The following ZNF623 variants were observed in gnomAD, a reference collection of about 807,000 sequenced individuals.
ZNF623 encodes zinc finger protein 623.
Under a neutral mutation model 24.0 loss-of-function variants are expected in ZNF623, and 16 were observed. The observed-to-expected ratio is 0.67, with a 90% CI of 0.45 to 1.01. The LOEUF (loss-of-function observed/expected upper bound fraction) is 1.01. ZNF623 is among the 50% of genes least tolerant of loss of function. ZNF623 has a pLI of 0.00. For synonymous variants in ZNF623, 224 were observed against 219.8 expected (o/e 1.02, Z -0.17); for missense variants, 566 against 606.5 (o/e 0.93, Z 0.70).
chr8:143,641,859 C>T (rs1563697615), intron 1 of ZNF623, among the ~76,000 whole-genome samples: 1 of 152,242 alleles, frequency 6.6e-6, no homozygotes, highest in Non-Finnish European at 1.5e-5. Flanking sequence ...AACAGATGCA[C>T]TGTCATCCAG....
rs748769996 is a variant in ZNF623, at chr8:143,651,258, T to C, written c.1266T>C (p.Ser422=). ...IHTGEKPYVC[S]YCGKGFIQRS... ...CTGGAGAAAAGCCCTATGTGTGCAG[T>C]TATTGTGGGAAAGGCTTTATTCAGA... is the stretch of plus-strand genomic sequence containing the variant. Residue 422 remains serine (S), a synonymous_variant, in exon 2 of 2, where the codon AGT becomes AGC. Coordinates refer to ENST00000526926, the MANE Select transcript of ZNF623 (RefSeq NM_001261843.2). 1 of 1,613,990 alleles carries C rather than the reference T, an allele frequency of 6.2e-7. No individual in the cohort carries two copies. Among genetic ancestry groups the C allele is most frequent in the African/African-American group, 1.3e-5 (1 of 74,896 alleles).
intron 1 of ZNF623, among the ~76,000 whole-genome samples, chr8:143,646,822 C>G (rs975127162): frequency 5.3e-5 from 8 of 151,964 alleles, no homozygotes; most frequent in African/African-American, 1.9e-4. Flanking sequence ...GCTACCTTGC[C>G]TGGCTGTTTT....
rs764537153 is a variant in ZNF623, at chr8:143,650,199, CCTT to C, written c.213_215del (p.Leu73del). 27 of 1,614,096 alleles carry C rather than the reference CCTT, an allele frequency of 1.7e-5. No individual in the cohort carries two copies. The highest frequency in any genetic ancestry group is 4.5e-5 in the East Asian group (2 of 44,894). On this transcript the variant is annotated inframe_deletion, in exon 2 of 2. Coordinates refer to ENST00000526926, the MANE Select transcript of ZNF623 (RefSeq NM_001261843.2). The surrounding 1 kb of genome is among the most constrained non-coding windows in gnomAD (Gnocchi z 5.2). ...GAAGAAACCATATTCTGAACTCAGA[CCTT>C]CTTCTGCTTCAGAGAGAGCTCATAG...
Position 143,650,609 on chromosome 8 carries a change from A to G in ZNF623, c.617A>G (p.Gln206Arg). 1.2e-6 allele frequency: 2 copies of G among 1,613,500 alleles called. No homozygotes were observed. Among genetic ancestry groups the G allele is most frequent in the Non-Finnish European group, 1.7e-6 (2 of 1,179,864 alleles). Residue 206 changes from glutamine (Q) to arginine (R), a missense_variant, in exon 2 of 2, where the codon CAG becomes CGG. Gln to Arg is a conservative substitution (Grantham distance 43). Around this residue, in one of 3 missense-constraint regions of ZNF623, gnomAD observed 313 missense variants for 300.4 expected, o/e 1.04. Coordinates refer to ENST00000526926, the MANE Select transcript of ZNF623 (RefSeq NM_001261843.2). The surrounding 1 kb of genome is among the most constrained non-coding windows in gnomAD (Gnocchi z 5.2). ...ECKECGKGFS[Q>R]SSLLIRHQRI... ...AAAGAGTGTGGGAAAGGCTTCAGTC[A>G]GAGCTCCTTACTTATTCGCCATCAG...
At chr8:143,640,606 A>G (rs1473496930) in intron 1 of ZNF623, among the ~76,000 whole-genome samples, 1 of 152,182 alleles carries the variant, frequency 6.6e-6, no homozygotes, top group African/African-American at 2.4e-5. Context: ...CCAGGAGCAG[A>G]TTCCATGTCA....
chr8:143,647,147 GTTTTTTTTTT>G (rs200303336), intron 1 of ZNF623, among the ~76,000 whole-genome samples: 2 of 133,868 alleles, frequency 1.5e-5, no homozygotes, highest in African/African-American at 3.4e-5. Flanking sequence ...GTGCCTTGCT[GTTTTTTTTTT>G]TTTTGTTTTG....
rs752561462 is a variant in ZNF623 at position 143,653,130 on chromosome 8, G to A, written c.*1647G>A. On this transcript the variant is annotated 3_prime_UTR_variant, in exon 2 of 2. Coordinates refer to ENST00000526926, the MANE Select transcript of ZNF623 (RefSeq NM_001261843.2). The stretch of plus-strand genomic sequence containing the variant: ...TCTGCAGAAACATGGAGCCATGACA[G>A]ATGGCTTTTTGGCTAGGACTGTTCG... 15 of 167,174 alleles carry A rather than the reference G, an allele frequency of 9.0e-5. No individual in the cohort carries two copies. The highest frequency in any genetic ancestry group is 2.6e-4 in the Admixed American group (4 of 15,296). 10.4% of individuals were successfully genotyped at this position (167,174 alleles called of 1,614,324 possible). A position where few individuals can be genotyped will look rare whatever the true frequency, so the allele number is the denominator to read the frequency against.
Position 143,652,078 on chromosome 8 carries a change from C to T in ZNF623, c.*595C>T, listed in dbSNP as rs908632573. Reference sequence around the variant, plus strand: ...CTGTGCTCCACGTGGCTTCCTACCTCTCTCGCCTTTGTTCTTGTTGAAGGG... The same window carrying T: ...CTGTGCTCCACGTGGCTTCCTACCTTTCTCGCCTTTGTTCTTGTTGAAGGG... On this transcript the variant is annotated 3_prime_UTR_variant, in exon 2 of 2. Coordinates refer to ENST00000526926, the MANE Select transcript of ZNF623 (RefSeq NM_001261843.2). The T allele has an allele frequency of 1.7e-4, 29 of 167,338 alleles. No individual in the cohort carries two copies. Among genetic ancestry groups the T allele is most frequent in the Non-Finnish European group, 4.1e-4 (28 of 68,294 alleles). The allele number at this position is 167,338 out of a possible 1,614,324, so 10.4% of individuals were successfully genotyped here.
intron 1 of ZNF623, among the ~76,000 whole-genome samples, chr8:143,638,436 A>G (rs1814973708): frequency 6.6e-6 from 1 of 152,022 alleles, no homozygotes; most frequent in Admixed American, 6.6e-5. Flanking sequence ...GTAAACAGAA[A>G]CACCCTGTTT....
At chr8:143,646,546 C>CGTGT (rs60526625) in intron 1 of ZNF623, among the ~76,000 whole-genome samples, 17,982 of 149,308 alleles carry the variant, frequency 0.12, 1,238 homozygotes, top group East Asian at 0.25. Flanking sequence ...GGGGTGTGTG[C>CGTGT]GTGTGTGTGT....
Position 143,651,172 on chromosome 8 carries a change from A to G in ZNF623, c.1180A>G (p.Lys394Glu), listed in dbSNP as rs762195477. ...CTCTGGGGACAGGCCCTTCGAATGTAAAGACTGTGGGAAAGCCTTCATCCA... is the reference window on the plus strand; with the variant it reads ...CTCTGGGGACAGGCCCTTCGAATGTGAAGACTGTGGGAAAGCCTTCATCCA... ...IHSGDRPFEC[K>E]DCGKAFIQSS... Residue 394 changes from lysine to glutamate, a missense_variant, in exon 2 of 2, where the codon AAA (lysine) becomes GAA (glutamate). Transcript: ENST00000526926. 6.2e-7 allele frequency: 1 copy of G among 1,614,202 alleles called. No individual in the cohort carries two copies.
At position 143,652,557 on chromosome 8, in the gene ZNF623, A is replaced by G. The variant is rs142765331; in HGVS notation, c.*1074A>G. ...CTGCTCCTACTTAGAAGTTGCAGGC[A>G]ATATCCTGTGCACATCCACGCCCTC... On this transcript the variant is annotated 3_prime_UTR_variant, in exon 2 of 2. Transcript: ENST00000526926. The G allele has an allele frequency of 0.011, 1,801 of 167,240 alleles. 12 individuals are homozygous for G. The highest frequency in any genetic ancestry group is 0.019 in the Non-Finnish European group (1,314 of 68,126). The allele number at this position is 167,240 out of a possible 1,614,324, so 10.4% of individuals were successfully genotyped here.
At chr8:143,649,858 T>A (rs1298251548) in intron 1 of ZNF623, 40 bp from the exon 2 acceptor site, 1 of 1,585,404 alleles carries the variant, frequency 6.3e-7, no homozygotes, top group South Asian at 1.1e-5. Flanking sequence ...CCCCATCTGT[T>A]AAGTAAGGGG....
intron 1 of ZNF623, among the ~76,000 whole-genome samples, chr8:143,642,101 A>C (rs1463456143): frequency 6.6e-6 from 1 of 152,198 alleles, no homozygotes; most frequent in African/African-American, 2.4e-5. Flanking sequence ...ATCCACACTG[A>C]AAATCTTTTT....
intron 1 of ZNF623, among the ~76,000 whole-genome samples, chr8:143,643,065 G>C (rs559962691): frequency 6.6e-6 from 1 of 152,344 alleles, no homozygotes; most frequent in East Asian, 1.9e-4. Flanking sequence ...TCCTCCATCT[G>C]GTTGGAGAAC....
intron 1 of ZNF623, among the ~76,000 whole-genome samples, chr8:143,639,709 A>G (rs776263844): frequency 2.0e-5 from 3 of 152,340 alleles, no homozygotes; most frequent in Non-Finnish European, 2.9e-5. Context: ...TGAGTTGTAT[A>G]TTAGCATTAT....
intron 1 of ZNF623, among the ~76,000 whole-genome samples, chr8:143,644,307 T>C (rs763784297): frequency 2.0e-5 from 3 of 152,158 alleles, no homozygotes; most frequent in Non-Finnish European, 4.4e-5. Context: ...CATGAGCCGC[T>C]GTACCTGGTG....
At chr8:143,649,565 T>C (rs1380573123) in intron 1 of ZNF623, 2 of 367,456 alleles carry the variant, frequency 5.4e-6, no homozygotes, top group African/African-American at 4.1e-5. Context: ...ATACGTTTGT[T>C]TAAAGTATCT....
chr8:143,647,318 G>A (rs750595119), intron 1 of ZNF623, among the ~76,000 whole-genome samples: 3 of 152,110 alleles, frequency 2.0e-5, no homozygotes, highest in Non-Finnish European at 2.9e-5. Flanking sequence ...CTGCCGCCAC[G>A]CCCGGCTAAT....
Sources: gnomAD v4.1 joint callset for allele counts (sites outside exome capture counted in the v4.1 genomes callset) on GRCh38, gnomAD v4.1.1 for gene constraint, gnomAD v4.1.1 regional missense constraint, Gnocchi (gnomAD v3.1) non-coding constraint, MANE v1.5 for transcripts, NCBI Gene and HGNC (gene_info 2026-07-23, HGNC 2026-07-21) for gene names.